Variants in ABLIM1 observed in about 807,000 individuals in gnomAD.
ABLIM1 encodes the protein actin-binding LIM protein 1.
A neutral mutation model predicts 107.0 loss-of-function variants in ABLIM1; 40 were observed. The observed-to-expected ratio is 0.37, with a 90% CI of 0.29 to 0.49. ABLIM1 has a LOEUF of 0.49. ABLIM1 is among the 20% of genes least tolerant of loss of function. The pLI is 0.97. For synonymous variants in ABLIM1, 357 were observed against 357.3 expected (o/e 1.00, Z 0.01); for missense variants, 857 against 1,008.5 (o/e 0.85, Z 2.04).
chr10:114,799,506 T>C, the ABLIM1 span, among the ~76,000 whole-genome samples: 1 of 152,188 alleles, frequency 6.6e-6, no homozygotes, highest in Admixed American at 6.5e-5. Context: ...ATCCACTCCT[T>C]ACCAGTATTT....
At chr10:114,751,779 G>T (rs980156614) in intron 1 of ABLIM1, among the ~76,000 whole-genome samples, 3 of 149,738 alleles carry the variant, frequency 2.0e-5, no homozygotes, top group African/African-American at 7.4e-5. Flanking sequence ...GAAAAAAAAA[G>T]GCGTACAACA....
intron 21 of ABLIM1, 43 bp downstream of exon 21, chr10:114,439,133 T>C: frequency 1.9e-6 from 3 of 1,604,530 alleles, no homozygotes; most frequent in Non-Finnish European, 2.6e-6. Context: ...TGTTTAGGGT[T>C]ACGCCATTCC....
At position 114,436,077 on chromosome 10, in the gene ABLIM1, G is replaced by A; in HGVS notation, c.*183C>T. On this transcript the variant is annotated 3_prime_UTR_variant, in exon 23 of 23. Coordinates refer to ENST00000533213, the MANE Select transcript of ABLIM1 (RefSeq NM_002313.7). Reference sequence around the variant, plus strand: ...AGAAATTTCTACGCCATGCTTCTTGGCAAGTGTTACTGTTGGCTGGCCCGA... The same window carrying A: ...AGAAATTTCTACGCCATGCTTCTTGACAAGTGTTACTGTTGGCTGGCCCGA... 1 of 578,638 alleles carries A rather than the reference G, an allele frequency of 1.7e-6. No homozygotes were observed. The highest frequency in any genetic ancestry group is 3.1e-6 in the Non-Finnish European group (1 of 323,766). The allele number at this position is 578,638 out of a possible 1,614,324, so 35.8% of individuals were successfully genotyped here. A position where few individuals can be genotyped will look rare whatever the true frequency, so the allele number is the denominator to read the frequency against.
At chr10:114,451,908 T>C (rs780542748) in intron 13 of ABLIM1, among the ~76,000 whole-genome samples, 6 of 152,218 alleles carry the variant, frequency 3.9e-5, no homozygotes, top group Non-Finnish European at 5.9e-5. Context: ...AAAGATGTGA[T>C]TAACTCATGA....
intron 2 of ABLIM1, among the ~76,000 whole-genome samples, chr10:114,596,383 G>A: frequency 6.6e-6 from 1 of 152,176 alleles, no homozygotes; most frequent in Middle Eastern, 3.2e-3. Context: ...ACAGTGTCCT[G>A]CATGGAGTAT....
intron 1 of ABLIM1, among the ~76,000 whole-genome samples, chr10:114,606,160 A>G (rs1167009420): frequency 6.6e-6 from 1 of 152,196 alleles, no homozygotes; most frequent in Non-Finnish European, 1.5e-5. Flanking sequence ...AACATCTGGG[A>G]AAGCGTATTT....
At chr10:114,443,672 T>G (rs1420502182) in intron 17 of ABLIM1, among the ~76,000 whole-genome samples, 1 of 107,382 alleles carries the variant, frequency 9.3e-6, no homozygotes, top group Admixed American at 1.1e-4. Flanking sequence ...TCATGTTATC[T>G]AAAAAAAAAA....
chr10:114,747,901 G>C (rs532113799), intron 1 of ABLIM1, among the ~76,000 whole-genome samples: 1 of 152,148 alleles, frequency 6.6e-6, no homozygotes, highest in Non-Finnish European at 1.5e-5. Context: ...TTAGCTGGGC[G>C]TGTTGGTATG....
At position 114,528,603 on chromosome 10, in the gene ABLIM1, T is replaced by C. The variant is rs559721399; in HGVS notation, c.894+16402A>G. On this transcript the variant is annotated intron_variant, in intron 6 of 22. Transcript: ENST00000533213. ...ATAGGGCCAGATCCTCAAAGTGGCA[T>C]CTGTGGACTTCCCTGTACCAGAATC... is the stretch of plus-strand genomic sequence containing the variant. Among the ~76,000 whole-genome samples, 3 of 152,344 alleles carry C rather than the reference T, an allele frequency of 2.0e-5. No homozygotes were observed. In the South Asian group the frequency reaches 6.2e-4, roughly 32 times the overall value.
chr10:114,512,915 A>G (rs750672243), intron 6 of ABLIM1, among the ~76,000 whole-genome samples: 5 of 146,590 alleles, frequency 3.4e-5, no homozygotes, highest in African/African-American at 9.8e-5. Flanking sequence ...AAGGAAAGAA[A>G]GAGAGAAAGA....
chr10:114,743,687 C>G (rs1407579340), intron 1 of ABLIM1, among the ~76,000 whole-genome samples: 1 of 152,106 alleles, frequency 6.6e-6, no homozygotes, highest in African/African-American at 2.4e-5. Flanking sequence ...ACGAAAACCT[C>G]AAAGTTGTGT....
At chr10:114,766,618 G>C (rs2082900835) in intron 1 of ABLIM1, among the ~76,000 whole-genome samples, 1 of 152,122 alleles carries the variant, frequency 6.6e-6, no homozygotes, top group African/African-American at 2.4e-5. Context: ...GGCCCCTACA[G>C]TGTGCAAGGT....
intron 2 of ABLIM1, among the ~76,000 whole-genome samples, chr10:114,594,102 CTGCTTTTGGAGAA>C (rs1159983838): frequency 6.6e-6 from 1 of 152,224 alleles, no homozygotes; most frequent in African/African-American, 2.4e-5. Flanking sequence ...AGGATGAGCT[CTGCTTTTGGAGAA>C]TGCAATAAAC....
intron 4 of ABLIM1, among the ~76,000 whole-genome samples, chr10:114,559,595 C>G (rs980992766): frequency 1.3e-5 from 2 of 152,180 alleles, no homozygotes; most frequent in African/African-American, 4.8e-5. Flanking sequence ...AAGTGACCAC[C>G]CACCTAGCAC....
chr10:114,621,028 T>C (rs1262386824), intron 1 of ABLIM1, among the ~76,000 whole-genome samples: 2 of 152,196 alleles, frequency 1.3e-5, no homozygotes, highest in East Asian at 3.9e-4. Context: ...TCTCCTTATG[T>C]CCATTGCTGT....
intron 1 of ABLIM1, among the ~76,000 whole-genome samples, chr10:114,667,542 A>T (rs2080077727): frequency 6.6e-6 from 1 of 152,242 alleles, no homozygotes. Flanking sequence ...TATAATTTAC[A>T]TACTGCAAAA....
intron 1 of ABLIM1, among the ~76,000 whole-genome samples, chr10:114,683,914 A>G (rs1183482654): frequency 2.0e-5 from 3 of 151,996 alleles, no homozygotes; most frequent in African/African-American, 4.8e-5. Context: ...CCTAGAGATG[A>G]CATCCAAACT....
chr10:114,594,789 T>C (rs1033076536), intron 2 of ABLIM1, among the ~76,000 whole-genome samples: 31 of 152,286 alleles, frequency 2.0e-4, no homozygotes, highest in African/African-American at 7.5e-4. Context: ...AATAACCAAG[T>C]TCTAAATAAA....
intron 6 of ABLIM1, among the ~76,000 whole-genome samples, chr10:114,541,619 T>C (rs2066669791): frequency 6.6e-6 from 1 of 152,210 alleles, no homozygotes; most frequent in South Asian, 2.1e-4. Flanking sequence ...CTACGTCTGC[T>C]GGGTGGAGGC....
Sources: gnomAD v4.1 joint callset for allele counts (sites outside exome capture counted in the v4.1 genomes callset) on GRCh38, gnomAD v4.1.1 for gene constraint, MANE v1.5 for transcripts, NCBI Gene and HGNC (gene_info 2026-07-23, HGNC 2026-07-21) for gene names.